The following FAM171A1 variants were observed in gnomAD, a reference collection of about 807,000 sequenced individuals.
The protein encoded by FAM171A1 is family with sequence similarity 171 member A1.
In FAM171A1, 23 loss-of-function variants were observed where a neutral mutation model predicts 74.9. That is an observed-to-expected ratio of 0.31 (90% CI 0.22 to 0.44). The LOEUF is 0.44. Among genes scored for constraint, FAM171A1 ranks in the 20% least tolerant of loss-of-function variants. The pLI, the probability that FAM171A1 is intolerant of heterozygous loss-of-function variation, is 1.00. For synonymous variants in FAM171A1, 527 were observed against 505.7 expected (o/e 1.04, Z -0.57); for missense variants, 1,162 against 1,159.2 (o/e 1.00, Z -0.03).
At chr10:15,344,353 G>A (rs1000495455) in intron 1 of FAM171A1, among the ~76,000 whole-genome samples, 9 of 152,086 alleles carry the variant, frequency 5.9e-5, no homozygotes, top group South Asian at 2.1e-4. Context: ...ACCAACCTGG[G>A]CAACATAGCA....
Position 15,224,801 on chromosome 10 carries a change from G to A in FAM171A1, c.755-3741C>T, listed in dbSNP as rs12247469. On this transcript the variant is annotated intron_variant, in intron 5 of 7. Transcript: ENST00000378116. ...TTTCTTTATAAATTTCCCAGTCTCAGGTATGTCTTTATCAGCAGCGTGAAA... is the reference window on the plus strand; with the variant it reads ...TTTCTTTATAAATTTCCCAGTCTCAAGTATGTCTTTATCAGCAGCGTGAAA... Among the ~76,000 whole-genome samples the A allele has an allele frequency of 2.6e-5, 4 of 152,154 alleles. No homozygotes were observed. The South Asian group carries it at 6.2e-4, about 24-fold the overall frequency.
intron 4 of FAM171A1, among the ~76,000 whole-genome samples, chr10:15,254,327 T>C (rs1834547767): frequency 6.6e-6 from 1 of 152,090 alleles, no homozygotes; most frequent in Non-Finnish European, 1.5e-5. Context: ...ACCCACAGGC[T>C]ACCCTCTCAA....
At chr10:15,336,764 C>T (rs985212270) in intron 1 of FAM171A1, among the ~76,000 whole-genome samples, 23 of 152,278 alleles carry the variant, frequency 1.5e-4, no homozygotes, top group African/African-American at 5.3e-4. Context: ...TCTCACAGAA[C>T]TAACATAAGA....
intron 3 of FAM171A1, among the ~76,000 whole-genome samples, chr10:15,267,874 C>T (rs1834767561): frequency 5.0e-5 from 1 of 20,066 alleles, no homozygotes; most frequent in African/African-American, 1.1e-4. Context: ...AAGCTTTTAC[C>T]ACAAACACCT....
At chr10:15,361,976 T>C (rs1836000281) in intron 1 of FAM171A1, among the ~76,000 whole-genome samples, 1 of 152,176 alleles carries the variant, frequency 6.6e-6, no homozygotes, top group Non-Finnish European at 1.5e-5. Context: ...TAAAACAATC[T>C]CTGGTAAACT....
chr10:15,223,592 A>G (rs1430590148), intron 5 of FAM171A1, among the ~76,000 whole-genome samples: 1 of 152,156 alleles, frequency 6.6e-6, no homozygotes, highest in Non-Finnish European at 1.5e-5. Flanking sequence ...CAATTGAAAC[A>G]GACTTTAAAA....
chr10:15,306,529 T>A (rs1393324267), intron 1 of FAM171A1, among the ~76,000 whole-genome samples: 1 of 152,148 alleles, frequency 6.6e-6, no homozygotes, highest in Non-Finnish European at 1.5e-5. Context: ...CATGCCTGGC[T>A]AATTTTGTGT....
chr10:15,214,747 C>CCACG, intron 7 of FAM171A1, 146 bp from the exon 8 acceptor site: 8 of 1,089,238 alleles, frequency 7.3e-6, no homozygotes, highest in Non-Finnish European at 1.0e-5. Context: ...CCTTCTCACC[C>CCACG]CACGCCCTGT....
At position 15,212,065 on chromosome 10, in the gene FAM171A1, G is replaced by C. The variant is rs1448510602; in HGVS notation, c.*850C>G. The stretch of plus-strand genomic sequence containing the variant: ...GCAGCATGCAGTTTAAAGCAAAAGA[G>C]ACATCCTTTAATAACTGTATAAAAT... On this transcript the variant is annotated 3_prime_UTR_variant, in exon 8 of 8. Coordinates refer to ENST00000378116, the MANE Select transcript of FAM171A1 (RefSeq NM_001010924.2). The C allele has an allele frequency of 6.6e-6, 1 of 152,600 alleles. No homozygotes were observed. Among genetic ancestry groups the C allele is most frequent in the Non-Finnish European group, 1.5e-5 (1 of 68,036 alleles). The allele number at this position is 152,600 out of a possible 1,614,324, so 9.5% of individuals were successfully genotyped here.
chr10:15,214,605 C>A lies in FAM171A1; in HGVS notation c.987-4G>T, dbSNP rs375921669. ...ACGAGGTTTCAAGCACTTCCTCCTG[C>A]GCCCAAAGACACAATCCAAAGCCAA... On this transcript the variant is annotated splice_polypyrimidine_tract_variant and splice_region_variant and intron_variant, in intron 7 of 7. Transcript: ENST00000378116. 6.4e-7 allele frequency: 1 copy of A among 1,568,372 alleles called. No homozygotes were observed. The highest frequency in any genetic ancestry group is 1.9e-5 in the Admixed American group (1 of 51,586).
chr10:15,347,068 AT>A (rs570033314), intron 1 of FAM171A1, among the ~76,000 whole-genome samples: 171 of 152,118 alleles, frequency 1.1e-3, no homozygotes, highest in African/African-American at 3.9e-3. Context: ...AAATTAAACA[AT>A]TTTTTTTAAA....
intron 1 of FAM171A1, among the ~76,000 whole-genome samples, chr10:15,288,486 G>T (rs1029790254): frequency 6.6e-6 from 1 of 152,132 alleles, no homozygotes; most frequent in African/African-American, 2.4e-5. Flanking sequence ...AACTCATGGT[G>T]CATTAATAAC....
chr10:15,322,716 C>T (rs1175223759), intron 1 of FAM171A1, among the ~76,000 whole-genome samples: 2 of 152,234 alleles, frequency 1.3e-5, no homozygotes, highest in Admixed American at 6.5e-5. Flanking sequence ...GGTAAATTCA[C>T]CTCAGTGTTT....
At chr10:15,253,446 T>C (rs561000616) in intron 4 of FAM171A1, among the ~76,000 whole-genome samples, 3 of 152,284 alleles carry the variant, frequency 2.0e-5, no homozygotes, top group East Asian at 1.9e-4. Flanking sequence ...AGTACTGACA[T>C]ATTTACTGAC....
chr10:15,222,117 G>A (rs984805977), intron 5 of FAM171A1, among the ~76,000 whole-genome samples: 5 of 152,124 alleles, frequency 3.3e-5, no homozygotes, highest in African/African-American at 1.2e-4. Context: ...CACCCACTCC[G>A]ACCTATCAGC....
chr10:15,304,258 T>A (rs1835267024), intron 1 of FAM171A1, among the ~76,000 whole-genome samples: 1 of 152,210 alleles, frequency 6.6e-6, no homozygotes, highest in Non-Finnish European at 1.5e-5. Flanking sequence ...TTCTCTAATT[T>A]TGATGCTTTG....
intron 1 of FAM171A1, among the ~76,000 whole-genome samples, chr10:15,364,729 T>C (rs548199112): frequency 1.3e-5 from 2 of 152,172 alleles, no homozygotes; most frequent in Non-Finnish European, 2.9e-5. Context: ...TAGGGTAAAA[T>C]TGGTTTCCTT....
intron 1 of FAM171A1, among the ~76,000 whole-genome samples, chr10:15,367,415 A>G (rs570182467): frequency 4.6e-5 from 7 of 152,314 alleles, no homozygotes; most frequent in Admixed American, 6.5e-5. Context: ...AATTCCCTAG[A>G]TGTTACTGTT....
At chr10:15,354,549 C>T (rs2131883204) in intron 1 of FAM171A1, among the ~76,000 whole-genome samples, 1 of 152,194 alleles carries the variant, frequency 6.6e-6, no homozygotes, top group South Asian at 2.1e-4. Flanking sequence ...GGCAATGTCT[C>T]CCTTCAAGTC....
Sources: allele counts gnomAD v4.1 joint callset (sites outside exome capture counted in the v4.1 genomes callset), GRCh38; gene constraint gnomAD v4.1.1; transcripts MANE v1.5; gene names NCBI Gene and HGNC (gene_info 2026-07-23, HGNC 2026-07-21).